The following PCCA variants were observed in gnomAD, a reference collection of about 807,000 sequenced individuals.
PCCA encodes propionyl-CoA carboxylase subunit alpha.
In PCCA, 74 loss-of-function variants were observed where a neutral mutation model predicts 101.3. That is an observed-to-expected ratio of 0.73 (90% CI 0.61 to 0.89). The LOEUF (loss-of-function observed/expected upper bound fraction) is 0.89. PCCA is among the 40% of genes least tolerant of loss of function. PCCA has a pLI of 0.00. For synonymous variants in PCCA, 294 were observed against 313.6 expected (o/e 0.94, Z 0.66); for missense variants, 891 against 907.0 (o/e 0.98, Z 0.23).
intron 20 of PCCA, among the ~76,000 whole-genome samples, chr13:100,444,257 AGTG>A (rs2080601208): frequency 6.8e-6 from 1 of 147,192 alleles, no homozygotes; most frequent in African/African-American, 2.5e-5. Flanking sequence ...GCTGAAGTGC[AGTG>A]GTGGTGCAAT....
intron 20 of PCCA, among the ~76,000 whole-genome samples, chr13:100,427,736 A>G (rs2079250440): frequency 6.6e-6 from 1 of 152,056 alleles, no homozygotes; most frequent in African/African-American, 2.4e-5. Context: ...TTTACCTAAA[A>G]AAAAAAAAAA....
intron 6 of PCCA, among the ~76,000 whole-genome samples, chr13:100,203,273 CAAAAAAA>C (rs998482300): frequency 1.6e-5 from 1 of 64,252 alleles, no homozygotes; most frequent in African/African-American, 5.4e-5. Context: ...GACTCCGTCT[CAAAAAAA>C]AAAAAAAAAA....
chr13:100,089,348 T>G, intron 1 of PCCA, 123 bp downstream of exon 1: 1 of 1,240,620 alleles, frequency 8.1e-7, no homozygotes, highest in Non-Finnish European at 1.0e-6. Flanking sequence ...CGGTTCCGCA[T>G]CAGCTACACC....
intron 5 of PCCA, among the ~76,000 whole-genome samples, chr13:100,156,338 G>C (rs2152385362): frequency 1.3e-5 from 2 of 152,322 alleles, no homozygotes; most frequent in Middle Eastern, 6.8e-3. Flanking sequence ...AAACTGCTGG[G>C]ATTACAGGCA....
chr13:100,309,988 G>A, intron 16 of PCCA, 80 bp downstream of exon 16: 2 of 1,000,578 alleles, frequency 2.0e-6, no homozygotes, highest in South Asian at 1.3e-5. Flanking sequence ...TTACCAATGA[G>A]AATATGGCAC....
chr13:100,278,817 T>C (rs2063859562), intron 12 of PCCA, among the ~76,000 whole-genome samples: 1 of 152,198 alleles, frequency 6.6e-6, no homozygotes, highest in Non-Finnish European at 1.5e-5. Flanking sequence ...ATGCAGTTGG[T>C]CAAGACTATC....
At position 100,194,020 on chromosome 13, in the gene PCCA, G is replaced by A. The variant is rs563343970; in HGVS notation, c.469-15312G>A. On this transcript the variant is annotated intron_variant, in intron 6 of 23. Coordinates refer to ENST00000376285, the MANE Select transcript of PCCA (RefSeq NM_000282.4). Reference sequence around the variant, plus strand: ...TGGGAAGCGGAGCATGCAGTGAGCCGAGATTGTGCCACTGCACTCCAGCCT... The same window carrying A: ...TGGGAAGCGGAGCATGCAGTGAGCCAAGATTGTGCCACTGCACTCCAGCCT... Among the ~76,000 whole-genome samples the A allele has an allele frequency of 9.2e-5, 14 of 151,796 alleles. No homozygotes were observed. The South Asian group carries it at 2.7e-3, about 29-fold the overall frequency.
At chr13:100,451,730 C>CTG (rs2081258407) in intron 21 of PCCA, among the ~76,000 whole-genome samples, 2 of 109,854 alleles carry the variant, frequency 1.8e-5, no homozygotes, top group East Asian at 6.4e-4. Context: ...CTCTCTCTCT[C>CTG]TCTCTCTCTT....
intron 20 of PCCA, among the ~76,000 whole-genome samples, chr13:100,431,167 G>T (rs1475448853): frequency 6.6e-6 from 1 of 152,072 alleles, no homozygotes; most frequent in Non-Finnish European, 1.5e-5. Flanking sequence ...TCTCATTATG[G>T]TTTTAATGTA....
intron 21 of PCCA, among the ~76,000 whole-genome samples, chr13:100,515,079 G>A (rs1044851184): frequency 6.6e-6 from 1 of 152,192 alleles, no homozygotes; most frequent in Admixed American, 6.5e-5. Context: ...CAGCTCATGG[G>A]ATTTTCCTTG....
intron 4 of PCCA, among the ~76,000 whole-genome samples, chr13:100,118,125 G>GAAAAAAAAA (rs537580846): frequency 6.3e-5 from 6 of 95,346 alleles, no homozygotes; most frequent in Non-Finnish European, 1.1e-4. Context: ...CAAAAAAAAA[G>GAAAAAAAAA]AAAAAAAAAA....
Position 100,089,193 on chromosome 13 carries a change from C to T in PCCA, c.73C>T (p.Leu25=), listed in dbSNP as rs1216741491. 3.3e-6 allele frequency: 5 copies of T among 1,529,084 alleles called. No homozygotes were observed. Among genetic ancestry groups the T allele is most frequent in the Non-Finnish European group, 4.4e-6 (5 of 1,140,070 alleles). 94.7% of individuals were successfully genotyped at this position (1,529,084 alleles called of 1,614,324 possible). A position where few individuals can be genotyped will look rare whatever the true frequency, so the allele number is the denominator to read the frequency against. The change falls in exon 1 of 24, where the codon CTG becomes TTG. Residue 25 remains leucine, a synonymous_variant. Coordinates refer to ENST00000376285, the MANE Select transcript of PCCA (RefSeq NM_000282.4). ...GRRGRWPPQQ[L]MLSAALRTLK... Reference sequence around the variant, plus strand: ...GCGTGGGCGGTGGCCGCCGCAGCAGCTGATGCTGAGCGCGGCGCTGCGGAC... The same window carrying T: ...GCGTGGGCGGTGGCCGCCGCAGCAGTTGATGCTGAGCGCGGCGCTGCGGAC...
In PCCA at chr13:100,315,418, A is replaced by G. The variant is rs1183112194; in HGVS notation, c.1429+5510A>G. Among the ~76,000 whole-genome samples, 3 of 152,316 alleles carry G rather than the reference A, an allele frequency of 2.0e-5. No homozygotes were observed. The East Asian group carries it at 5.8e-4, about 29-fold the overall frequency. On this transcript the variant is annotated intron_variant, in intron 16 of 23. Coordinates refer to ENST00000376285, the MANE Select transcript of PCCA (RefSeq NM_000282.4). Reference sequence around the variant, plus strand: ...AACTTACATATTACTCATCTGGCTAATTCTGAAGGATAGGCAGGTTTAAAA... The same window carrying G: ...AACTTACATATTACTCATCTGGCTAGTTCTGAAGGATAGGCAGGTTTAAAA...
intron 19 of PCCA, among the ~76,000 whole-genome samples, chr13:100,407,102 TTAACA>T (rs1299142888): frequency 3.9e-5 from 6 of 152,256 alleles, no homozygotes; most frequent in East Asian, 1.9e-4. Context: ...TTACAATAAC[TTAACA>T]TAACAACCTT....
intron 7 of PCCA, among the ~76,000 whole-genome samples, chr13:100,235,598 T>G (rs1374513232): frequency 1.3e-5 from 2 of 152,210 alleles, no homozygotes; most frequent in Non-Finnish European, 2.9e-5. Flanking sequence ...TTGGCAATTC[T>G]GGTAGTGCTT....
intron 1 of PCCA, among the ~76,000 whole-genome samples, chr13:100,091,336 T>C (rs1391643241): frequency 6.6e-6 from 1 of 152,226 alleles, no homozygotes; most frequent in Admixed American, 6.5e-5. Context: ...CTTACCTGGT[T>C]TTTTCCTTTT....
intron 18 of PCCA, among the ~76,000 whole-genome samples, chr13:100,346,031 C>T (rs1483995433): frequency 6.6e-6 from 1 of 151,980 alleles, no homozygotes; most frequent in African/African-American, 2.4e-5. Flanking sequence ...GACAGTGCAC[C>T]TGGTCACCCA....
At chr13:100,172,420 G>A (rs540993848) in intron 6 of PCCA, among the ~76,000 whole-genome samples, 46 of 151,910 alleles carry the variant, frequency 3.0e-4, no homozygotes, top group Non-Finnish European at 5.9e-4. Context: ...TTTTAAAAAT[G>A]ACTTCTAATG....
chr13:100,102,871 C>CT lies in PCCA; in HGVS notation c.106-5dup, dbSNP rs748165273. The CT allele has an allele frequency of 5.6e-6, 9 of 1,602,478 alleles. No individual in the cohort carries two copies. In the South Asian group the frequency reaches 7.7e-5, roughly 14 times the overall value. On this transcript the variant is annotated splice_polypyrimidine_tract_variant and intron_variant, in intron 1 of 23. Coordinates refer to ENST00000376285, the MANE Select transcript of PCCA (RefSeq NM_000282.4). ...AGTATTTGCAATTTATTTTGCTTTC[C>CT]TTTTTTTGTAGCATGTTCTGTACTA... is the stretch of plus-strand genomic sequence containing the variant.
Sources: gnomAD v4.1 joint callset for allele counts (sites outside exome capture counted in the v4.1 genomes callset) on GRCh38, gnomAD v4.1.1 for gene constraint, MANE v1.5 for transcripts, NCBI Gene and HGNC (gene_info 2026-07-23, HGNC 2026-07-21) for gene names.